PFKFB3: variants seen among roughly 807,000 people sequenced by gnomAD.
The protein encoded by PFKFB3 is 6-phosphofructo-2-kinase/fructose-2,6-biphosphatase 3.
PFKFB3 carries 33 observed loss-of-function variants against 68.0 expected under a neutral mutation model. The observed-to-expected ratio is 0.49, with a 90% CI of 0.37 to 0.65. The LOEUF is 0.65. Ranked by LOEUF, PFKFB3 falls within the 30% of genes least tolerant of loss-of-function variation. The pLI is 0.00. For missense variants in PFKFB3, 586 were observed against 712.2 expected (o/e 0.82, Z 2.02); for synonymous variants, 315 against 288.2 (o/e 1.09, Z -0.94).
chr10:6,293,626 G>T, the PFKFB3 span: 1 of 236,612 alleles, frequency 4.2e-6, no homozygotes, highest in South Asian at 6.7e-5. Flanking sequence ...GATTACAGGC[G>T]TGAGCCACGA....
At chr10:6,293,149 C>A in the PFKFB3 span, 4 of 457,080 alleles carry the variant, frequency 8.8e-6, no homozygotes, top group South Asian at 5.2e-5. Context: ...TGCTTGGTGT[C>A]ATCCACTTAA....
rs1844890723 is a variant in PFKFB3, at chr10:6,220,668, C to G, written c.634C>G (p.Leu212Val). 2 of 1,613,836 alleles carry G rather than the reference C, an allele frequency of 1.2e-6. No individual in the cohort carries two copies. Among genetic ancestry groups the G allele is most frequent in the Non-Finnish European group, 1.7e-6 (2 of 1,179,970 alleles). ...GGGGTCTCTCTGCAGGGACTTGTCG[C>G]TGATCAAGGTGATTGACGTGGGCCG... ...DPDKCDRDLS[L>V]IKVIDVGRRF... is the part of the protein sequence containing the mutation. The change falls in exon 8 of 15, where the codon CTG becomes GTG. Residue 212 changes from leucine (L) to valine (V), a missense_variant. By Grantham distance (32) the Leu-to-Val change is conservative. Transcript: ENST00000379775. The surrounding 1 kb of genome is among the most constrained non-coding windows in gnomAD (Gnocchi z 4.1).
downstream of PFKFB3, among the ~76,000 whole-genome samples, chr10:6,236,121 A>G (rs1846006305): frequency 6.6e-6 from 1 of 151,836 alleles, no homozygotes; most frequent in Non-Finnish European, 1.5e-5. Context: ...CCTTTTAAAC[A>G]CCAGTTCTTG....
chr10:6,320,735 G>A, the PFKFB3 span, among the ~76,000 whole-genome samples: 1 of 152,126 alleles, frequency 6.6e-6, no homozygotes, highest in African/African-American at 2.4e-5. Flanking sequence ...AGAAGCAGCA[G>A]CTTCTGTCTG....
intron 1 of PFKFB3, among the ~76,000 whole-genome samples, chr10:6,212,983 C>T (rs573426014): frequency 6.6e-6 from 1 of 152,300 alleles, no homozygotes; most frequent in African/African-American, 2.4e-5. Context: ...TAGCCCCACT[C>T]TCCCTCGGGA....
rs1843967682 is a variant in PFKFB3 at position 6,208,772 on chromosome 10, G to A, written c.77-4851G>A. ...GGAGAGCAGGAGTAGGAACCCGGGG[G>A]TGCCAGCCTCTCACTGTCCAGGTGG... On this transcript the variant is annotated intron_variant, in intron 1 of 14. Coordinates refer to ENST00000379775, the MANE Select transcript of PFKFB3 (RefSeq NM_004566.4). Among the ~76,000 whole-genome samples the A allele has an allele frequency of 2.0e-5, 3 of 152,138 alleles. No individual in the cohort carries two copies. In the South Asian group the frequency reaches 6.2e-4, roughly 31 times the overall value.
At chr10:6,168,787 G>A (rs1407306057) in intron 1 of PFKFB3, among the ~76,000 whole-genome samples, 2 of 152,204 alleles carry the variant, frequency 1.3e-5, no homozygotes, top group Non-Finnish European at 2.9e-5. Context: ...ATTCAGGCCT[G>A]GGGATGGATG....
chr10:6,260,896 A>C, the PFKFB3 span, among the ~76,000 whole-genome samples: 3 of 152,236 alleles, frequency 2.0e-5, no homozygotes, highest in African/African-American at 7.2e-5. Context: ...TATGTAAATG[A>C]GAGTGAGATT....
chr10:6,276,725 C>T, the PFKFB3 span, among the ~76,000 whole-genome samples: 2 of 151,796 alleles, frequency 1.3e-5, no homozygotes, highest in Non-Finnish European at 2.9e-5. Context: ...GTCCTTGTCC[C>T]CTTCCCTCAG....
chr10:6,236,411 G>T (rs775514343), downstream of PFKFB3, among the ~76,000 whole-genome samples: 2 of 152,212 alleles, frequency 1.3e-5, no homozygotes, highest in African/African-American at 4.8e-5. Context: ...CGTGACCAGC[G>T]TCTTGCTTGG....
chr10:6,324,986 C>T, the PFKFB3 span, among the ~76,000 whole-genome samples: 1,227 of 152,116 alleles, frequency 8.1e-3, 15 homozygotes, highest in African/African-American at 0.028. Context: ...TAAATTGAAA[C>T]AGGATCTCCC....
chr10:6,155,765 G>A (rs1841761998), intron 1 of PFKFB3, among the ~76,000 whole-genome samples: 1 of 152,102 alleles, frequency 6.6e-6, no homozygotes, highest in Admixed American at 6.5e-5. Flanking sequence ...CCTACCTCCA[G>A]CTAACCCTCG....
At chr10:6,145,175 C>T (rs1219617392) in intron 1 of PFKFB3, among the ~76,000 whole-genome samples, 1 of 152,118 alleles carries the variant, frequency 6.6e-6, no homozygotes, top group Non-Finnish European at 1.5e-5. Flanking sequence ...TCCGCCTTGT[C>T]CCCTCCGCCC....
At chr10:6,214,535 T>A (rs1844437924) in intron 2 of PFKFB3, among the ~76,000 whole-genome samples, 1 of 151,900 alleles carries the variant, frequency 6.6e-6, no homozygotes, top group African/African-American at 2.4e-5. Flanking sequence ...TTTCAATTAA[T>A]TTTATTTTAG....
chr10:6,188,866 G>T (rs11814263), intron 1 of PFKFB3, among the ~76,000 whole-genome samples: 1 of 125,656 alleles, frequency 8.0e-6, no homozygotes, highest in Non-Finnish European at 1.6e-5. Flanking sequence ...ACGGAGTCTC[G>T]CTCTGTCCCC....
intron 1 of PFKFB3, among the ~76,000 whole-genome samples, chr10:6,186,450 C>T (rs647439): frequency 0.43 from 65,603 of 152,014 alleles, 15,718 homozygotes; most frequent in Non-Finnish European, 0.56. Context: ...GTGGAGTGGT[C>T]GCAGGTATAC....
intron 14 of PFKFB3, chr10:6,231,451 G>A: frequency 6.7e-7 from 1 of 1,493,894 alleles, no homozygotes; most frequent in South Asian, 1.3e-5. Flanking sequence ...ATTGTCGTGA[G>A]GTCCTTTCTA....
intron 1 of PFKFB3, among the ~76,000 whole-genome samples, chr10:6,191,578 C>T (rs983459482): frequency 6.6e-6 from 1 of 152,076 alleles, no homozygotes; most frequent in African/African-American, 2.4e-5. Context: ...GGGGCTCGGG[C>T]CCCCCCTAGA....
At chr10:6,282,017 G>A in the PFKFB3 span, among the ~76,000 whole-genome samples, 7 of 149,740 alleles carry the variant, frequency 4.7e-5, no homozygotes, top group Non-Finnish European at 8.9e-5. Context: ...GGAATGCAGC[G>A]ACTATTCACA....
Sources: gnomAD v4.1 joint callset for allele counts (sites outside exome capture counted in the v4.1 genomes callset) on GRCh38, gnomAD v4.1.1 for gene constraint, Gnocchi (gnomAD v3.1) non-coding constraint, MANE v1.5 for transcripts, NCBI Gene and HGNC (gene_info 2026-07-23, HGNC 2026-07-21) for gene names.